The following CRPPA variants were observed in gnomAD, a reference collection of about 807,000 sequenced individuals.
CRPPA encodes the protein D-ribitol-5-phosphate cytidylyltransferase.
Under a neutral mutation model 52.0 loss-of-function variants are expected in CRPPA, and 43 were observed. The observed-to-expected ratio is 0.83, with a 90% CI of 0.65 to 1.07. CRPPA has a LOEUF of 1.07. Ranked by LOEUF, CRPPA falls within the 50% of genes least tolerant of loss-of-function variation. CRPPA has a pLI of 0.00. For missense variants in CRPPA, 629 were observed against 551.7 expected, an observed-to-expected ratio of 1.14 and a Z score of -1.40; for synonymous variants, 250 against 203.5, an observed-to-expected ratio of 1.23 and a Z score of -1.94.
intron 9 of CRPPA, among the ~76,000 whole-genome samples, chr7:16,142,298 C>T (rs1443900178): frequency 6.6e-6 from 1 of 152,132 alleles, no homozygotes; most frequent in Admixed American, 6.5e-5. Context: ...TATTTCATCC[C>T]CTAGGTACTA....
intron 3 of CRPPA, among the ~76,000 whole-genome samples, chr7:16,347,562 A>G (rs1786045240): frequency 6.6e-6 from 1 of 152,150 alleles, no homozygotes; most frequent in South Asian, 2.1e-4. Context: ...AGAATTAGCA[A>G]TATGGCAGAA....
intron 9 of CRPPA, among the ~76,000 whole-genome samples, chr7:16,212,590 T>C (rs770939192): frequency 2.0e-5 from 3 of 152,192 alleles, no homozygotes; most frequent in East Asian, 1.9e-4. Context: ...GTGAAGTTTG[T>C]GGTCACATAT....
chr7:16,215,910 G>A (rs1196075497), intron 9 of CRPPA, among the ~76,000 whole-genome samples, 156 bp downstream of exon 9: 1 of 152,060 alleles, frequency 6.6e-6, no homozygotes, highest in African/African-American at 2.4e-5. Context: ...TTTCCTAGAG[G>A]CAAGAGGTTC....
At position 16,140,308 on chromosome 7, in the gene CRPPA, A is replaced by G. The variant is rs140761442; in HGVS notation, c.1252-48509T>C. On this transcript the variant is annotated intron_variant, in intron 9 of 9. Coordinates refer to ENST00000407010, the MANE Select transcript of CRPPA (RefSeq NM_001101426.4). The stretch of plus-strand genomic sequence containing the variant: ...GACTACAGGCATGCACCACCATGCC[A>G]GGCAATGCCAGGCTAATTTTTTTTT... Among the ~76,000 whole-genome samples, 50 of 151,604 alleles carry G rather than the reference A, an allele frequency of 3.3e-4. No individual in the cohort carries two copies. The East Asian group carries it at 8.6e-3, about 26-fold the overall frequency.
rs181020071 is a variant in CRPPA, at chr7:16,229,875, C to T, written c.1120-13678G>A. ...TTGTCCAGGAAAGTATTCATCTTTT[C>T]TTCATTTCTGAAGGACACCTTTGCT... On this transcript the variant is annotated intron_variant, in intron 8 of 9. Transcript: ENST00000407010. Among the ~76,000 whole-genome samples, 80 of 152,116 alleles carry T rather than the reference C, an allele frequency of 5.3e-4. No individual in the cohort carries two copies. The East Asian group carries it at 0.012, about 22-fold the overall frequency.
At chr7:16,116,485 C>T (rs1368257979) in intron 9 of CRPPA, among the ~76,000 whole-genome samples, 1 of 151,694 alleles carries the variant, frequency 6.6e-6, no homozygotes, top group African/African-American at 2.4e-5. Context: ...GCCAACATGG[C>T]GAAACCCCAT....
chr7:16,349,003 C>A (rs1786083538), intron 3 of CRPPA, among the ~76,000 whole-genome samples: 1 of 152,212 alleles, frequency 6.6e-6, no homozygotes, highest in Non-Finnish European at 1.5e-5. Context: ...GCAGCTATCT[C>A]CCTAGTATCA....
intron 9 of CRPPA, among the ~76,000 whole-genome samples, chr7:16,177,454 C>T (rs184047117): frequency 6.6e-6 from 1 of 152,046 alleles, no homozygotes; most frequent in Admixed American, 6.6e-5. Context: ...ATCAAGGTTG[C>T]GGAGATCAGA....
intron 8 of CRPPA, among the ~76,000 whole-genome samples, chr7:16,233,263 A>G (rs1010833985): frequency 2.0e-5 from 3 of 152,160 alleles, no homozygotes; most frequent in African/African-American, 7.2e-5. Context: ...AACAACAGAA[A>G]AACATTTGAA....
chr7:16,365,337 C>G (rs1786563963), intron 3 of CRPPA, among the ~76,000 whole-genome samples: 1 of 152,142 alleles, frequency 6.6e-6, no homozygotes, highest in African/African-American at 2.4e-5. Context: ...GGATATGTCC[C>G]CATGTGATGA....
intron 8 of CRPPA, among the ~76,000 whole-genome samples, chr7:16,245,370 T>A (rs1023325935): frequency 1.3e-5 from 2 of 152,220 alleles, no homozygotes; most frequent in Non-Finnish European, 2.9e-5. Flanking sequence ...TTCTGCCAAA[T>A]TTTCATTAAT....
intron 2 of CRPPA, among the ~76,000 whole-genome samples, chr7:16,398,937 C>T (rs373509565): frequency 2.6e-5 from 4 of 152,216 alleles, no homozygotes; most frequent in Admixed American, 6.5e-5. Context: ...GTTACTGACA[C>T]GTGATCATCA....
At chr7:16,385,655 C>G (rs1787243747) in intron 2 of CRPPA, among the ~76,000 whole-genome samples, 1 of 152,162 alleles carries the variant, frequency 6.6e-6, no homozygotes, top group Non-Finnish European at 1.5e-5. Context: ...GACAGTAATT[C>G]TAATTCACAT....
At chr7:16,378,230 A>G (rs1239073442) in intron 2 of CRPPA, among the ~76,000 whole-genome samples, 2 of 150,468 alleles carry the variant, frequency 1.3e-5, no homozygotes, top group Admixed American at 6.6e-5. Flanking sequence ...ATTTAGCATT[A>G]GGTATATCTC....
chr7:16,230,130 T>G (rs1782754896), intron 8 of CRPPA, among the ~76,000 whole-genome samples: 3 of 152,156 alleles, frequency 2.0e-5, no homozygotes, highest in African/African-American at 7.2e-5. Flanking sequence ...CTTATTTGGT[T>G]TAAATTTGAT....
chr7:16,287,131 T>C (rs1784467832), intron 5 of CRPPA, among the ~76,000 whole-genome samples: 1 of 152,184 alleles, frequency 6.6e-6, no homozygotes, highest in African/African-American at 2.4e-5. Flanking sequence ...TGAATTATTT[T>C]CCCCATTTTA....
Position 16,278,242 on chromosome 7 carries a change from A to T in CRPPA, c.836-16T>A, listed in dbSNP as rs778515511. ...GAAATTCTCTCTGAAATTAAAAAAAAAAAGTTTTAAGTTTCAAACAAAACA... is the reference window on the plus strand; with the variant it reads ...GAAATTCTCTCTGAAATTAAAAAAATAAAGTTTTAAGTTTCAAACAAAACA... On this transcript the variant is annotated splice_polypyrimidine_tract_variant and intron_variant, in intron 5 of 9. Transcript: ENST00000407010. 1.4e-6 allele frequency: 2 copies of T among 1,388,184 alleles called. No homozygotes were observed. Among genetic ancestry groups the T allele is most frequent in the Admixed American group, 4.5e-5 (2 of 44,702 alleles). The allele number at this position is 1,388,184 out of a possible 1,614,324, so 86.0% of individuals were successfully genotyped here. A position where few individuals can be genotyped will look rare whatever the true frequency, so the allele number is the denominator to read the frequency against.
chr7:16,382,292 T>A (rs1306133515), intron 2 of CRPPA, among the ~76,000 whole-genome samples: 2 of 152,212 alleles, frequency 1.3e-5, no homozygotes, highest in African/African-American at 2.4e-5. Flanking sequence ...TTGAAAATTC[T>A]TTTCTTTAAG....
chr7:16,399,634 C>A (rs547769302), intron 2 of CRPPA, among the ~76,000 whole-genome samples: 17 of 152,146 alleles, frequency 1.1e-4, no homozygotes, highest in African/African-American at 4.1e-4. Context: ...CCGATCGACA[C>A]ATGATCGACA....
Sources: allele counts gnomAD v4.1 joint callset (sites outside exome capture counted in the v4.1 genomes callset), GRCh38; gene constraint gnomAD v4.1.1; transcripts MANE v1.5; gene names NCBI Gene and HGNC (gene_info 2026-07-23, HGNC 2026-07-21).